Variants in SLC6A12 observed in about 807,000 individuals in gnomAD.
SLC6A12 encodes solute carrier family 6 member 12.
SLC6A12 carries 50 observed loss-of-function variants against 73.3 expected under a neutral mutation model. That is an observed-to-expected ratio of 0.68 (90% CI 0.54 to 0.86). The LOEUF (loss-of-function observed/expected upper bound fraction) is 0.86, where lower values mean the gene tolerates loss of function less well. Ranked by LOEUF, SLC6A12 falls within the 40% of genes least tolerant of loss-of-function variation. The probability of loss-of-function intolerance (pLI) is 0.00; values close to 1 mark genes in which losing one functional copy is unlikely to be tolerated. For missense variants in SLC6A12, 648 were observed against 772.8 expected (o/e 0.84, Z 1.92); for synonymous variants, 304 against 309.2 (o/e 0.98, Z 0.18).
chr12:196,380 A>C (rs748035728), intron 11 of SLC6A12, 119 bp from the exon 12 acceptor site: 19 of 1,280,016 alleles, frequency 1.5e-5, no homozygotes, highest in Non-Finnish European at 1.7e-5. Flanking sequence ...GGAGCAGCAC[A>C]AAGGGAAGAA....
chr12:201,220 G>A (rs1940244320), intron 6 of SLC6A12: 1 of 189,134 alleles, frequency 5.3e-6, no homozygotes, highest in South Asian at 1.2e-4. Flanking sequence ...GAGGGCATTG[G>A]TGCCTACGTG....
In SLC6A12 at chr12:206,163, C is replaced by T. The variant is rs968910379; in HGVS notation, c.215-1465G>A. ...TATATTCACAACGTTGTGCCACCAT[C>T]ACCACCATTCATCTCCAGAGCTTTT... On this transcript the variant is annotated intron_variant, in intron 3 of 15. Coordinates refer to ENST00000684302, the MANE Select transcript of SLC6A12 (RefSeq NM_001122848.3). Among the ~76,000 whole-genome samples the T allele has an allele frequency of 3.0e-4, 45 of 152,314 alleles. No individual in the cohort carries two copies. The Middle Eastern group carries it at 0.024, about 81-fold the overall frequency.
chr12:187,328 CTTCT>C (rs1199978888), downstream of SLC6A12, among the ~76,000 whole-genome samples: 1 of 152,002 alleles, frequency 6.6e-6, no homozygotes, highest in African/African-American at 2.4e-5. Flanking sequence ...GAGTTTGTTC[CTTCT>C]AACGTTCAGA....
chr12:186,624 G>T (rs184545129), downstream of SLC6A12, among the ~76,000 whole-genome samples: 1 of 152,322 alleles, frequency 6.6e-6, no homozygotes, highest in African/African-American at 2.4e-5. Flanking sequence ...TGCTGCTGTT[G>T]ACCATTAGTG....
chr12:211,462 C>T lies in SLC6A12; in HGVS notation c.-58+564G>A, dbSNP rs1010903582. On this transcript the variant is annotated intron_variant, in intron 2 of 15. Transcript: ENST00000684302. ...GCCCAGGAGGGAGGATGAGGATAGC[C>T]ACCCAGTGGGAATCAGAGGCCTTGA... 5.3e-5 allele frequency among the ~76,000 whole-genome samples: 8 copies of T among 152,222 alleles called. No homozygotes were observed. In the South Asian group the frequency reaches 8.3e-4, roughly 16 times the overall value.
At chr12:208,093 C>T (rs763345982) in intron 3 of SLC6A12, among the ~76,000 whole-genome samples, 2 of 152,152 alleles carry the variant, frequency 1.3e-5, no homozygotes, top group East Asian at 1.9e-4. Flanking sequence ...TGTGCCGTGA[C>T]GCAGAAATGG....
intron 10 of SLC6A12, among the ~76,000 whole-genome samples, chr12:197,130 C>CATCTACCCATCCATCCATCCATCT (rs1366306049): frequency 1.2e-5 from 1 of 80,766 alleles, no homozygotes; most frequent in African/African-American, 4.8e-5. Context: ...TCCATCCATC[C>CATCTACCCATCCATCCATCCATCT]ATCCATCCAT....
At position 197,888 on chromosome 12, in the gene SLC6A12, C is replaced by T. The variant is rs199636616; in HGVS notation, c.950+12G>A. On this transcript the variant is annotated intron_variant, in intron 9 of 15. Coordinates refer to ENST00000684302, the MANE Select transcript of SLC6A12 (RefSeq NM_001122848.3). ...CCCTCCTTCACCCCACCCCGGCCCA[C>T]GCTGTTCTCACTTGTAGCAGTTGTT... The T allele has an allele frequency of 1.9e-4, 296 of 1,574,984 alleles. 1 individual carries two copies. Among genetic ancestry groups the T allele is most frequent in the Non-Finnish European group, 2.0e-4 (228 of 1,145,540 alleles).
chr12:207,088 C>T (rs1463291902), intron 3 of SLC6A12, among the ~76,000 whole-genome samples: 3 of 152,230 alleles, frequency 2.0e-5, no homozygotes, highest in Non-Finnish European at 4.4e-5. Flanking sequence ...TTCTGGAGCG[C>T]GTTAGGGCGT....
chr12:188,214 G>T (rs575751894), downstream of SLC6A12, among the ~76,000 whole-genome samples: 2 of 152,196 alleles, frequency 1.3e-5, no homozygotes, highest in Non-Finnish European at 1.5e-5. Context: ...GCCCATGGAG[G>T]GGGAGGGAGG....
chr12:186,714 G>A (rs1404223598), downstream of SLC6A12, among the ~76,000 whole-genome samples: 2 of 152,234 alleles, frequency 1.3e-5, no homozygotes, highest in African/African-American at 4.8e-5. Context: ...ACTCTGCCAC[G>A]TGGGCGCTGC....
At chr12:197,184 TC>T (rs1939953485) in intron 10 of SLC6A12, among the ~76,000 whole-genome samples, 192 bp downstream of exon 10, 3 of 135,314 alleles carry the variant, frequency 2.2e-5, no homozygotes, top group African/African-American at 2.7e-5. Context: ...CATCCATCCA[TC>T]CATCCATCCA....
intron 6 of SLC6A12, 79 bp downstream of exon 6, chr12:201,683 G>T: frequency 8.8e-7 from 1 of 1,133,362 alleles, no homozygotes. Flanking sequence ...TCTTAAACTT[G>T]CACCCCAGAC....
At chr12:202,402 T>C (rs1403054025) in intron 5 of SLC6A12, among the ~76,000 whole-genome samples, 2 of 152,218 alleles carry the variant, frequency 1.3e-5, no homozygotes, top group African/African-American at 2.4e-5. Flanking sequence ...CCCTGCTGCT[T>C]TTGCTCAGCC....
chr12:197,204 T>TCTATCCATCCATCTAC (rs1939964102), intron 10 of SLC6A12, among the ~76,000 whole-genome samples, 173 bp downstream of exon 10: 1 of 53,276 alleles, frequency 1.9e-5, no homozygotes. Flanking sequence ...CATTCATCCA[T>TCTATCCATCCATCTAC]CCATGGAAGC....
chr12:183,894 T>C, the SLC6A12 span, among the ~76,000 whole-genome samples: 1 of 150,610 alleles, frequency 6.6e-6, no homozygotes, highest in Non-Finnish European at 1.5e-5. Context: ...ATAATTCCAA[T>C]ATCATATTAA....
At chr12:187,625 A>C (rs1939458902), downstream of SLC6A12, among the ~76,000 whole-genome samples, 3 of 56,292 alleles carry the variant, frequency 5.3e-5, no homozygotes, top group East Asian at 6.2e-4. Context: ...AAAAAAAAAA[A>C]AAAAAACAAA....
rs138252563 is a variant in SLC6A12, at chr12:193,404, T to C, written c.1430-27A>G. ...TGAGCAGGCATGGCGTGGGAGAGTGTGAGAGCCAGAGGGTGAGAACAGCTT... is the reference window on the plus strand; with the variant it reads ...TGAGCAGGCATGGCGTGGGAGAGTGCGAGAGCCAGAGGGTGAGAACAGCTT... On this transcript the variant is annotated intron_variant, in intron 13 of 15. Coordinates refer to ENST00000684302, the MANE Select transcript of SLC6A12 (RefSeq NM_001122848.3). 2.7e-4 allele frequency: 427 copies of C among 1,559,202 alleles called. 4 individuals carry two copies. In the African/African-American group the frequency reaches 5.1e-3, roughly 19 times the overall value.
intron 2 of SLC6A12, among the ~76,000 whole-genome samples, chr12:211,611 T>C (rs1211761932): frequency 6.6e-6 from 1 of 150,522 alleles, no homozygotes; most frequent in East Asian, 1.9e-4. Context: ...AAATGGGGAG[T>C]TGGGCCCCAG....
Sources: gnomAD v4.1 joint callset for allele counts (sites outside exome capture counted in the v4.1 genomes callset) on GRCh38, gnomAD v4.1.1 for gene constraint, MANE v1.5 for transcripts, NCBI Gene and HGNC (gene_info 2026-07-23, HGNC 2026-07-21) for gene names.